Variants in REPS2 observed in about 807,000 individuals in gnomAD.
REPS2 encodes ralBP1-associated Eps domain-containing protein 2.
A neutral mutation model predicts 53.6 loss-of-function variants in REPS2; 23 were observed. That is an observed-to-expected ratio of 0.43 (90% CI 0.31 to 0.61). The LOEUF (loss-of-function observed/expected upper bound fraction) is 0.61, where lower values mean the gene tolerates loss of function less well. Among genes scored for constraint, REPS2 ranks in the 20% least tolerant of loss-of-function variants. The pLI is 0.11. For missense variants in REPS2, 446 were observed against 534.9 expected (o/e 0.83, Z 1.64); for synonymous variants, 238 against 218.6 (o/e 1.09, Z -0.78).
downstream of REPS2, among the ~76,000 whole-genome samples, chrX:17,155,219 T>C (rs768069227): frequency 1.3e-4 from 15 of 111,736 alleles, no homozygotes; most frequent in South Asian, 3.4e-3. Flanking sequence ...GGTGGGACTC[T>C]CTGTAGAATC....
In REPS2 at chrX:17,081,819, A is replaced by C. The variant is rs1466071472; in HGVS notation, c.1516+4412A>C. 2.7e-5 allele frequency among the ~76,000 whole-genome samples: 3 copies of C among 112,238 alleles called. No individual in the cohort carries two copies. The East Asian group carries it at 8.4e-4, about 31-fold the overall frequency. Reference sequence around the variant, plus strand: ...CTGCTGTGTTTGAGAGATAGCAAAAATGTGCAAGAAAGTCTAAGTCAGTGA... The same window carrying C: ...CTGCTGTGTTTGAGAGATAGCAAAACTGTGCAAGAAAGTCTAAGTCAGTGA... On this transcript the variant is annotated intron_variant, in intron 13 of 17. Transcript: ENST00000357277.
chrX:17,126,297 C>A (rs1309638063), intron 14 of REPS2, among the ~76,000 whole-genome samples: 1 of 111,170 alleles, frequency 9.0e-6, no homozygotes, highest in Non-Finnish European at 1.9e-5. Flanking sequence ...GGGAGTGCAA[C>A]AGGGGCCCCT....
chrX:17,187,149 A>G, the REPS2 span, among the ~76,000 whole-genome samples: 1 of 111,946 alleles, frequency 8.9e-6, no homozygotes, highest in Non-Finnish European at 1.9e-5. Context: ...CCCCGATCCC[A>G]TTCCTAGTGG....
At chrX:17,068,505 C>T (rs1415829544) in intron 10 of REPS2, 34 bp downstream of exon 10, 6 of 1,080,788 alleles carry the variant, frequency 5.6e-6, no homozygotes, top group Non-Finnish European at 7.6e-6. Context: ...CTTTAACCAG[C>T]GTTCTACCTG....
chrX:17,026,954 A>AGT (rs1387016962), intron 4 of REPS2, among the ~76,000 whole-genome samples: 1 of 109,827 alleles, frequency 9.1e-6, no homozygotes, highest in East Asian at 2.9e-4. Context: ...CACCGGGCTA[A>AGT]TTTTCTTTTT....
intron 2 of REPS2, among the ~76,000 whole-genome samples, chrX:17,021,829 A>G (rs1315002500): frequency 8.9e-6 from 1 of 112,604 alleles, no homozygotes; most frequent in African/African-American, 3.2e-5. Context: ...ATACAGTGTC[A>G]TATCCTTTTT....
At chrX:17,187,988 A>T in the REPS2 span, among the ~76,000 whole-genome samples, 1 of 111,957 alleles carries the variant, frequency 8.9e-6, no homozygotes, top group African/African-American at 3.2e-5. Context: ...CTTTTTTCGG[A>T]AACCAGGTCT....
chrX:17,040,338 G>C (rs2061815312), intron 5 of REPS2, among the ~76,000 whole-genome samples: 1 of 112,577 alleles, frequency 8.9e-6, no homozygotes, highest in African/African-American at 3.2e-5. Flanking sequence ...GCTTCAGTCA[G>C]CTTAAGAGAA....
chrX:17,016,017 C>T (rs900627807), intron 2 of REPS2, among the ~76,000 whole-genome samples: 2 of 111,854 alleles, frequency 1.8e-5, no homozygotes. Flanking sequence ...AACTAGTTTA[C>T]AGTCCCACCA....
intron 4 of REPS2, among the ~76,000 whole-genome samples, chrX:17,026,950 G>C (rs1163927208): frequency 9.0e-6 from 1 of 110,579 alleles, no homozygotes; most frequent in African/African-American, 3.3e-5. Flanking sequence ...ACCACACCGG[G>C]CTAATTTTCT....
At chrX:16,996,948 T>C (rs1425263872) in intron 1 of REPS2, among the ~76,000 whole-genome samples, 2 of 112,610 alleles carry the variant, frequency 1.8e-5, no homozygotes, top group Admixed American at 9.4e-5. Context: ...AACAAACTTA[T>C]AAAAATACCA....
intron 1 of REPS2, among the ~76,000 whole-genome samples, chrX:16,993,273 C>T (rs1429672268): frequency 8.9e-6 from 1 of 112,140 alleles, no homozygotes; most frequent in African/African-American, 3.2e-5. Context: ...TTGTGACAGC[C>T]TCCCCATTGT....
the REPS2 span, among the ~76,000 whole-genome samples, chrX:17,186,655 G>A: frequency 3.5e-3 from 388 of 111,951 alleles, 1 homozygote; most frequent in African/African-American, 0.012. Flanking sequence ...CCCCACCATA[G>A]CCTTAGGAAA....
chrX:17,114,146 A>G lies in REPS2; in HGVS notation c.1578+10367A>G, dbSNP rs2063014689. ...TCTCTGAGGATGACCTTGAAGGTCCATGGTGCATGGTAATTGGCCCCTTTC... is the reference window on the plus strand; with the variant it reads ...TCTCTGAGGATGACCTTGAAGGTCCGTGGTGCATGGTAATTGGCCCCTTTC... On this transcript the variant is annotated intron_variant, in intron 14 of 17. Coordinates refer to ENST00000357277, the MANE Select transcript of REPS2 (RefSeq NM_004726.3). Among the ~76,000 whole-genome samples the G allele has an allele frequency of 3.6e-5, 4 of 111,758 alleles. No homozygotes were observed. In the South Asian group the frequency reaches 1.5e-3, roughly 42 times the overall value.
chrX:16,990,758 G>A (rs1265680557), intron 1 of REPS2, among the ~76,000 whole-genome samples: 1 of 110,423 alleles, frequency 9.1e-6, no homozygotes, highest in East Asian at 2.8e-4. Flanking sequence ...TTTACAAGAT[G>A]TTACCATTGG....
At chrX:17,189,264 G>A in the REPS2 span, among the ~76,000 whole-genome samples, 2 of 107,838 alleles carry the variant, frequency 1.9e-5, no homozygotes, top group East Asian at 5.7e-4. Flanking sequence ...AAAGGCACAT[G>A]CCACTTTCTT....
chrX:17,005,651 C>T (rs1327937971), intron 1 of REPS2, among the ~76,000 whole-genome samples: 1 of 111,467 alleles, frequency 9.0e-6, no homozygotes, highest in African/African-American at 3.3e-5. Context: ...GATGTTGTTC[C>T]AGGTGATGGG....
chrX:17,120,874 C>T (rs1287151240), intron 14 of REPS2, among the ~76,000 whole-genome samples: 1 of 111,879 alleles, frequency 8.9e-6, no homozygotes, highest in Non-Finnish European at 1.9e-5. Flanking sequence ...CATCGGGGAA[C>T]ATGAGTCTTG....
intron 16 of REPS2, 68 bp downstream of exon 16, chrX:17,135,474 G>A (rs990221586): frequency 2.7e-6 from 3 of 1,096,801 alleles, no homozygotes; most frequent in South Asian, 2.1e-5. Flanking sequence ...ATATGTAAAT[G>A]TGTTGACATT....
Sources: gnomAD v4.1 joint callset for allele counts (sites outside exome capture counted in the v4.1 genomes callset) on GRCh38, gnomAD v4.1.1 for gene constraint, MANE v1.5 for transcripts, NCBI Gene and HGNC (gene_info 2026-07-23, HGNC 2026-07-21) for gene names.